The following LRBA variants were observed in gnomAD, a reference collection of about 807,000 sequenced individuals.
LRBA encodes the protein LPS responsive beige-like anchor protein, also known as lipopolysaccharide-responsive and beige-like anchor protein.
Under a neutral mutation model 330.0 loss-of-function variants are expected in LRBA, and 176 were observed. That is an observed-to-expected ratio of 0.53 (90% CI 0.47 to 0.60). The LOEUF (loss-of-function observed/expected upper bound fraction) is 0.60, where lower values mean the gene tolerates loss of function less well. Among genes scored for constraint, LRBA ranks in the 20% least tolerant of loss-of-function variants. The probability of loss-of-function intolerance (pLI) is 0.00; values close to 1 mark genes in which losing one functional copy is unlikely to be tolerated. For synonymous variants in LRBA, 1,230 were observed against 1,193.0 expected (o/e 1.03, Z -0.64); for missense variants, 3,259 against 3,444.8 (o/e 0.95, Z 1.35).
chr4:150,841,711 G>GGT (rs1181311145), intron 28 of LRBA, among the ~76,000 whole-genome samples: 2 of 151,668 alleles, frequency 1.3e-5, no homozygotes, highest in Non-Finnish European at 2.9e-5. Flanking sequence ...GGACTGCAGT[G>GGT]GTGTGACCTG....
intron 17 of LRBA, among the ~76,000 whole-genome samples, chr4:150,888,642 G>A (rs979403744): frequency 1.3e-5 from 2 of 151,682 alleles, no homozygotes; most frequent in Admixed American, 6.6e-5. Flanking sequence ...TACACAAAGA[G>A]ATAAACTCCA....
intron 54 of LRBA, among the ~76,000 whole-genome samples, chr4:150,284,935 T>G (rs1294622567): frequency 6.6e-6 from 1 of 152,198 alleles, no homozygotes; most frequent in East Asian, 1.9e-4. Flanking sequence ...TCCATACTAC[T>G]GTGCAAAGAA....
intron 44 of LRBA, among the ~76,000 whole-genome samples, chr4:150,444,094 G>T (rs551484171): frequency 6.6e-6 from 1 of 151,498 alleles, no homozygotes; most frequent in South Asian, 2.1e-4. Context: ...CATCAAAACC[G>T]AATTTTTTTA....
chr4:150,644,585 T>C (rs1778964040), intron 37 of LRBA, among the ~76,000 whole-genome samples: 1 of 151,932 alleles, frequency 6.6e-6, no homozygotes, highest in South Asian at 2.1e-4. Flanking sequence ...TAAAAATAAA[T>C]AAATAAAGCA....
Position 150,302,705 on chromosome 4 carries a change from A to G in LRBA, c.7937T>C (p.Ile2646Thr). The change falls in exon 53 of 57, where the codon ATT becomes ACT. Residue 2646 changes from isoleucine (I) to threonine (T), a missense_variant. Ile to Thr is a moderately conservative substitution (Grantham distance 89). Transcript: ENST00000651943. ...AGTTGCATCACGTGACCCTGAGAGA[A>G]TGTAGCAATTTCCCCCAATATATGA... ...SESYIGGNCY[I>T]LSGSRDATLL... 1 of 1,613,280 alleles carries G rather than the reference A, an allele frequency of 6.2e-7. No individual in the cohort carries two copies. Among genetic ancestry groups the G allele is most frequent in the Non-Finnish European group, 8.5e-7 (1 of 1,179,474 alleles).
chr4:150,545,048 G>A (rs1400619306), intron 40 of LRBA, among the ~76,000 whole-genome samples: 1 of 152,078 alleles, frequency 6.6e-6, no homozygotes, highest in Non-Finnish European at 1.5e-5. Context: ...TTCCTCTTCT[G>A]TAAAATAGAA....
chr4:150,529,058 T>A (rs967784393), intron 40 of LRBA, among the ~76,000 whole-genome samples: 1 of 152,190 alleles, frequency 6.6e-6, no homozygotes, highest in Non-Finnish European at 1.5e-5. Flanking sequence ...AGATCATACA[T>A]GTCACCAGGA....
chr4:150,622,567 C>G (rs1776398885), intron 37 of LRBA, among the ~76,000 whole-genome samples: 1 of 151,824 alleles, frequency 6.6e-6, no homozygotes, highest in South Asian at 2.1e-4. Flanking sequence ...GTAGGATCAA[C>G]TGGAAGGTAA....
chr4:150,294,963 ATAG>A lies in LRBA; in HGVS notation c.8017+7659_8017+7661del, dbSNP rs1301736262. 6.6e-5 allele frequency among the ~76,000 whole-genome samples: 10 copies of A among 151,946 alleles called. 1 individual carries two copies. The highest frequency in any genetic ancestry group is 4.6e-4 in the Admixed American group (7 of 15,246). On this transcript the variant is annotated intron_variant, in intron 53 of 56. Coordinates refer to ENST00000651943, the MANE Select transcript of LRBA (RefSeq NM_001364905.1). ...ATACTCTGTCTCTTAAAAAAAAAAA[ATAG>A]TAGTAGTAGTAGCAACAGAATGATC...
At chr4:150,893,556 G>A (rs1466220781) in intron 16 of LRBA, among the ~76,000 whole-genome samples, 1 of 152,056 alleles carries the variant, frequency 6.6e-6, no homozygotes, top group Admixed American at 6.6e-5. Context: ...CACCATGTTG[G>A]CCAGGCTGGT....
intron 37 of LRBA, among the ~76,000 whole-genome samples, chr4:150,639,767 A>ATATATGTG (rs1778363575): frequency 1.5e-4 from 1 of 6,766 alleles, no homozygotes; most frequent in African/African-American, 4.0e-4. Flanking sequence ...ATATATATAT[A>ATATATGTG]TATATATATA....
intron 46 of LRBA, among the ~76,000 whole-genome samples, chr4:150,415,802 T>C (rs1747653684): frequency 6.6e-6 from 1 of 152,178 alleles, no homozygotes; most frequent in Admixed American, 6.5e-5. Flanking sequence ...CTGGTATAAA[T>C]AACTTTCATA....
Position 150,904,741 on chromosome 4 carries a change from C to T in LRBA, c.1755+1097G>A, listed in dbSNP as rs1048946185. Among the ~76,000 whole-genome samples the T allele has an allele frequency of 3.9e-5, 6 of 152,030 alleles. No homozygotes were observed. The South Asian group carries it at 1.2e-3, about 32-fold the overall frequency. ...TCAAATTTGACCTGGAGATAAAAAGCTACAACCTCCAACTGCCTGTTTCGA... is the reference window on the plus strand; with the variant it reads ...TCAAATTTGACCTGGAGATAAAAAGTTACAACCTCCAACTGCCTGTTTCGA... On this transcript the variant is annotated intron_variant, in intron 13 of 56. Transcript: ENST00000651943.
chr4:150,608,575 T>C (rs1658967775), intron 37 of LRBA, among the ~76,000 whole-genome samples: 1 of 152,214 alleles, frequency 6.6e-6, no homozygotes, highest in Admixed American at 6.5e-5. Flanking sequence ...TTTGTTCATG[T>C]TTTGTGTTTT....
At chr4:150,741,472 A>T (rs1024538635) in intron 35 of LRBA, among the ~76,000 whole-genome samples, 2 of 152,164 alleles carry the variant, frequency 1.3e-5, no homozygotes, top group African/African-American at 4.8e-5. Flanking sequence ...TACTCCACAG[A>T]ATGGCTATAT....
intron 52 of LRBA, among the ~76,000 whole-genome samples, chr4:150,308,734 T>C (rs904255419): frequency 6.6e-6 from 1 of 152,140 alleles, no homozygotes; most frequent in African/African-American, 2.4e-5. Flanking sequence ...GTCTTCGTTT[T>C]CTAAAAATTT....
In LRBA at chr4:150,471,403, A is replaced by G. The variant is rs78064335; in HGVS notation, c.6667+221T>C. On this transcript the variant is annotated intron_variant, in intron 43 of 56. Transcript: ENST00000651943. ...GTACTTTGAGTTTTTTACTGAATCT[A>G]TATCCCCTTGCTCTAGAATCATGTA... is the stretch of plus-strand genomic sequence containing the variant. Among the ~76,000 whole-genome samples, 770 of 152,250 alleles carry G rather than the reference A, an allele frequency of 5.1e-3. 3 individuals carry two copies. Among genetic ancestry groups the G allele is most frequent in the Non-Finnish European group, 7.3e-3 (496 of 68,010 alleles).
At chr4:150,434,377 A>T (rs2151990406) in intron 46 of LRBA, among the ~76,000 whole-genome samples, 1 of 152,372 alleles carries the variant, frequency 6.6e-6, no homozygotes, top group Admixed American at 6.5e-5. Context: ...GCATATAGAT[A>T]GAATAACTCT....
intron 52 of LRBA, among the ~76,000 whole-genome samples, chr4:150,308,600 G>C (rs62344542): frequency 0.2 from 31,092 of 152,134 alleles, 3,311 homozygotes; most frequent in East Asian, 0.26. Flanking sequence ...TATCACAGGA[G>C]ATGAAAGCTC....
Sources: allele counts gnomAD v4.1 joint callset (sites outside exome capture counted in the v4.1 genomes callset), GRCh38; gene constraint gnomAD v4.1.1; transcripts MANE v1.5; gene names NCBI Gene and HGNC (gene_info 2026-07-23, HGNC 2026-07-21).